The following BNC2 variants were observed in gnomAD, a reference collection of about 807,000 sequenced individuals.
BNC2 encodes basonuclin zinc finger protein 2, also known as zinc finger protein basonuclin-2.
BNC2 carries 20 observed loss-of-function variants against 76.3 expected under a neutral mutation model. The ratio of observed to expected loss-of-function variants is 0.26; its 90% CI spans 0.18 to 0.38. The LOEUF (loss-of-function observed/expected upper bound fraction) is 0.38. Ranked by LOEUF, BNC2 falls within the 10% of genes least tolerant of loss-of-function variation. BNC2 has a pLI of 1.00. For missense variants in BNC2, 1,382 were observed against 1,399.8 expected (o/e 0.99, Z 0.20); for synonymous variants, 582 against 514.8 (o/e 1.13, Z -1.77).
intron 1 of BNC2, among the ~76,000 whole-genome samples, chr9:16,788,397 CA>C (rs545460736): frequency 6.6e-6 from 1 of 151,652 alleles, no homozygotes; most frequent in Non-Finnish European, 1.5e-5. Context: ...ACCAAAAATA[CA>C]AAAAATTAGC....
intron 3 of BNC2, chr9:16,727,155 C>G (rs934031487): frequency 9.1e-5 from 14 of 153,324 alleles, no homozygotes; most frequent in African/African-American, 3.4e-4. Flanking sequence ...GGGCCGGAGC[C>G]GGCGAAGGGA....
At chr9:16,588,426 T>C (rs73419478) in intron 3 of BNC2, among the ~76,000 whole-genome samples, 8,272 of 152,216 alleles carry the variant, frequency 0.054, 793 homozygotes, top group African/African-American at 0.19. Flanking sequence ...GCACACAGAT[T>C]ATTATTTCTG....
chr9:16,614,741 AT>A (rs1415995835), intron 3 of BNC2, among the ~76,000 whole-genome samples: 1 of 151,888 alleles, frequency 6.6e-6, no homozygotes, highest in African/African-American at 2.4e-5. Flanking sequence ...GAGCTCAGGA[AT>A]TCAAGACCAG....
intron 4 of BNC2, among the ~76,000 whole-genome samples, chr9:16,566,268 T>C (rs967686963): frequency 6.6e-6 from 1 of 152,122 alleles, no homozygotes; most frequent in African/African-American, 2.4e-5. Flanking sequence ...ATCATACTGT[T>C]GGATGGATGA....
intron 3 of BNC2, among the ~76,000 whole-genome samples, chr9:16,611,750 T>C (rs1446253413): frequency 1.3e-5 from 2 of 152,200 alleles, no homozygotes; most frequent in South Asian, 2.1e-4. Context: ...TAAATGTGTT[T>C]ATCAAATTCT....
chr9:16,459,261 A>G (rs1821521923), intron 5 of BNC2, among the ~76,000 whole-genome samples: 2 of 152,156 alleles, frequency 1.3e-5, no homozygotes, highest in South Asian at 2.1e-4. Context: ...CACCTCTACA[A>G]AAGAGTTTCA....
At chr9:16,761,487 A>C (rs1485119499) in intron 1 of BNC2, among the ~76,000 whole-genome samples, 1 of 152,208 alleles carries the variant, frequency 6.6e-6, no homozygotes, top group African/African-American at 2.4e-5. Context: ...CTAAAATACA[A>C]AACTATGATA....
In BNC2 at chr9:16,552,702, T is replaced by C. The variant is rs946979752; in HGVS notation, c.497A>G (p.Asn166Ser). Reference protein sequence around the residue: ...HPTQVEIVQSNVVFDISSLML... With the variant: ...HPTQVEIVQSSVVFDISSLML... ...CAGGCTGCTGATGTCAAACACGACG[T>C]TGGACTGCACAATCTCCACTTGGGT... is the stretch of plus-strand genomic sequence containing the variant. Residue 166 changes from asparagine (N) to serine (S), a missense_variant, in exon 5 of 7, where the codon AAC becomes AGC. Physicochemically the swap from Asn to Ser is conservative, Grantham distance 46 (BLOSUM62 1). Around this residue, in one of 3 missense-constraint regions of BNC2, gnomAD observed 557 missense variants for 540.9 expected, o/e 1.03. Coordinates refer to ENST00000380672, the MANE Select transcript of BNC2 (RefSeq NM_017637.6). 1.4e-5 allele frequency: 23 copies of C among 1,614,078 alleles called. No individual in the cohort carries two copies. The highest frequency in any genetic ancestry group is 2.2e-5 in the East Asian group (1 of 44,878).
chr9:16,509,106 G>C (rs775818513), intron 5 of BNC2, among the ~76,000 whole-genome samples: 3 of 151,934 alleles, frequency 2.0e-5, no homozygotes, highest in African/African-American at 7.3e-5. Flanking sequence ...GATTACAACC[G>C]TAAGCCACCA....
In BNC2 at chr9:16,419,274, C is replaced by T. The variant is rs765720014; in HGVS notation, c.3015G>A (p.Lys1005=). The change falls in exon 7 of 7, where the codon AAG becomes AAA. Residue 1005 remains lysine (K), a synonymous_variant. Coordinates refer to ENST00000380672, the MANE Select transcript of BNC2 (RefSeq NM_017637.6). ...TGCCAGGGAGGGCAGGGGCCTCGGC[C>T]TTGTGTGCCGACTCCCCACTGTCAC... ...GASDSGESAH[K]AEAPALPGSL... The T allele has an allele frequency of 3.7e-6, 6 of 1,614,168 alleles. No individual in the cohort carries two copies. In the South Asian group the frequency reaches 6.6e-5, roughly 18 times the overall value.
chr9:16,663,652 A>T (rs966030748), intron 3 of BNC2, among the ~76,000 whole-genome samples: 1 of 152,182 alleles, frequency 6.6e-6, no homozygotes, highest in Non-Finnish European at 1.5e-5. Flanking sequence ...CAGGTAAAAA[A>T]CACAAAAGAG....
At chr9:16,838,997 C>T (rs942494449) in intron 1 of BNC2, among the ~76,000 whole-genome samples, 2 of 152,322 alleles carry the variant, frequency 1.3e-5, no homozygotes, top group East Asian at 3.9e-4. Flanking sequence ...TGAAAGAAAA[C>T]TACTAATTTC....
chr9:16,513,638 T>C (rs1822811297), intron 5 of BNC2, among the ~76,000 whole-genome samples: 1 of 152,154 alleles, frequency 6.6e-6, no homozygotes, highest in Non-Finnish European at 1.5e-5. Context: ...ATTTCTCTAG[T>C]ACAACGAAAC....
chr9:16,439,447 A>G (rs969290675), intron 5 of BNC2, among the ~76,000 whole-genome samples: 1 of 152,202 alleles, frequency 6.6e-6, no homozygotes, highest in Non-Finnish European at 1.5e-5. Flanking sequence ...GAAAAAAGAC[A>G]TTAGTGGGAA....
intron 3 of BNC2, among the ~76,000 whole-genome samples, chr9:16,604,338 C>G (rs963435045): frequency 1.1e-4 from 16 of 152,180 alleles, no homozygotes; most frequent in African/African-American, 3.4e-4. Context: ...AAACACAGAA[C>G]TGCTATGTTT....
At chr9:16,827,891 A>T (rs1482691691) in intron 1 of BNC2, among the ~76,000 whole-genome samples, 1 of 152,226 alleles carries the variant, frequency 6.6e-6, no homozygotes, top group Non-Finnish European at 1.5e-5. Flanking sequence ...TCCATATGAT[A>T]TGCCCATTCA....
At chr9:16,523,493 C>CAA (rs753945820) in intron 5 of BNC2, among the ~76,000 whole-genome samples, 91 of 120,178 alleles carry the variant, frequency 7.6e-4, no homozygotes, top group African/African-American at 5.0e-3. Context: ...AAAAACAAAA[C>CAA]AAAAAAAAAC....
At chr9:16,485,229 A>T (rs942940872) in intron 5 of BNC2, among the ~76,000 whole-genome samples, 1 of 152,174 alleles carries the variant, frequency 6.6e-6, no homozygotes, top group Non-Finnish European at 1.5e-5. Flanking sequence ...GTTCCTCATA[A>T]CCATCTAATA....
intron 5 of BNC2, among the ~76,000 whole-genome samples, chr9:16,482,758 A>G (rs976998352): frequency 1.3e-5 from 2 of 152,168 alleles, no homozygotes; most frequent in Non-Finnish European, 2.9e-5. Context: ...AGAGGAATCA[A>G]CCTCTGTATC....
Sources: gnomAD v4.1 joint callset for allele counts (sites outside exome capture counted in the v4.1 genomes callset) on GRCh38, gnomAD v4.1.1 for gene constraint, gnomAD v4.1.1 regional missense constraint, MANE v1.5 for transcripts, NCBI Gene and HGNC (gene_info 2026-07-23, HGNC 2026-07-21) for gene names.